The following TMEM223 variants were observed in gnomAD, a reference collection of about 807,000 sequenced individuals.
TMEM223 encodes the protein transmembrane protein 223.
A neutral mutation model predicts 14.1 loss-of-function variants in TMEM223; 14 were observed. The ratio of observed to expected loss-of-function variants is 0.99; its 90% CI spans 0.66 to 1.55. The LOEUF is 1.55. Ranked by LOEUF, TMEM223 falls within the 40% of genes most tolerant of loss-of-function variation. The pLI is 0.00. For missense variants in TMEM223, 346 were observed against 269.9 expected (o/e 1.28, Z -1.97); for synonymous variants, 145 against 120.5 (o/e 1.20, Z -1.33).
intron 1 of TMEM223, chr11:62,782,049 G>C (rs1433161045): frequency 6.3e-7 from 1 of 1,591,650 alleles, no homozygotes; most frequent in Admixed American, 1.7e-5. Flanking sequence ...GGCAAGTGCT[G>C]TCAGAATGGT....
chr11:62,791,158 G>A (rs886917360), intron 1 of TMEM223, among the ~76,000 whole-genome samples: 4 of 152,112 alleles, frequency 2.6e-5, no homozygotes, highest in Non-Finnish European at 5.9e-5. Context: ...ATTTTAATGG[G>A]AAGATGGAGA....
chr11:62,785,766 C>T (rs947182587), downstream of TMEM223, among the ~76,000 whole-genome samples: 1 of 149,198 alleles, frequency 6.7e-6, no homozygotes, highest in Non-Finnish European at 1.5e-5. Context: ...AACTCCTGAC[C>T]TCAGGTGATC....
chr11:62,786,514 C>G, downstream of TMEM223: 4 of 1,559,402 alleles, frequency 2.6e-6, no homozygotes, highest in South Asian at 3.6e-5. Context: ...TTGGCTCTTA[C>G]AGGTGGCGGT....
rs556313837 is a variant in TMEM223, at chr11:62,790,217, C to G, written c.*406G>C. On this transcript the variant is annotated 3_prime_UTR_variant, in exon 2 of 2. Coordinates refer to ENST00000307366, the MANE Select transcript of TMEM223 (RefSeq NM_001080501.3). ...ACCTCTTCCTGCAGCTGTTTTTGTA[C>G]CAAAATATTATATTACTGTCTTCAT... is the stretch of plus-strand genomic sequence containing the variant. 2 of 718,720 alleles carry G rather than the reference C, an allele frequency of 2.8e-6. No individual in the cohort carries two copies. Among genetic ancestry groups the G allele is most frequent in the Admixed American group, 6.7e-5 (2 of 30,028 alleles). The allele number at this position is 718,720 out of a possible 1,614,324, so 44.5% of individuals were successfully genotyped here.
At chr11:62,775,655 C>T (rs1407024432) in intron 1 of TMEM223, 4 of 1,201,264 alleles carry the variant, frequency 3.3e-6, no homozygotes, top group Non-Finnish European at 4.6e-6. Flanking sequence ...CTCAGAGCTC[C>T]TTGTTTAGAA....
At chr11:62,775,790 G>T in intron 1 of TMEM223, 2 of 1,608,356 alleles carry the variant, frequency 1.2e-6, no homozygotes, top group Non-Finnish European at 1.7e-6. Context: ...GGCCATGTCA[G>T]AGCGAGAAGA....
chr11:62,791,950 C>T lies in TMEM223; in HGVS notation c.45G>A (p.Val15=), dbSNP rs768509567. The T allele has an allele frequency of 1.6e-5, 25 of 1,583,904 alleles. No homozygotes were observed. Among genetic ancestry groups the T allele is most frequent in the Admixed American group, 1.1e-4 (6 of 56,590 alleles). Residue 15 remains valine (V), a synonymous_variant, in exon 1 of 2, where the codon GTG becomes GTA. Transcript: ENST00000307366. ...GCCGGCAGGTGAGCAGGGGCCGCAG[C>T]ACGGCTAGCAGCCCCGTGGGCCATC... ...WRRWPTGLLA[V]LRPLLTCRPL...
chr11:62,787,418 G>C (rs769209455), downstream of TMEM223: 11 of 1,557,474 alleles, frequency 7.1e-6, no homozygotes, highest in Non-Finnish European at 9.5e-6. Flanking sequence ...GCGCTTCCTG[G>C]TGGTCAGGGC....
rs138825268 is a variant in TMEM223, at chr11:62,780,116, C to T, written c.315-5451G>A. Among the ~76,000 whole-genome samples the T allele has an allele frequency of 5.7e-3, 861 of 150,378 alleles. 1 individual carries two copies. Among genetic ancestry groups the T allele is most frequent in the Non-Finnish European group, 9.8e-3 (660 of 67,610 alleles). On this transcript the variant is annotated intron_variant, in intron 1 of 2. Transcript: ENST00000528367. ...GGCGGATCACTTGAAGTCAGGAGTTCGAGACCAGACTGTCCAACATGGTGA... is the reference window on the plus strand; with the variant it reads ...GGCGGATCACTTGAAGTCAGGAGTTTGAGACCAGACTGTCCAACATGGTGA...
exon 3 of TMEM223, chr11:62,771,724 C>T (rs2084149079): frequency 4.8e-6 from 1 of 206,344 alleles, no homozygotes; most frequent in Non-Finnish European, 1.0e-5. Context: ...GTTCCCACGC[C>T]TCCTCTCCAG....
At chr11:62,780,973 C>T (rs915983133) in intron 1 of TMEM223, among the ~76,000 whole-genome samples, 3 of 144,838 alleles carry the variant, frequency 2.1e-5, no homozygotes, top group African/African-American at 5.2e-5. Context: ...CGGTGGCTAA[C>T]GCCTGTAATC....
At chr11:62,789,715 A>G (rs564724681), downstream of TMEM223, 24 of 1,524,262 alleles carry the variant, frequency 1.6e-5, no homozygotes, top group South Asian at 2.2e-4. Context: ...ACTGACATAA[A>G]TATCTGTAGC....
downstream of TMEM223, chr11:62,787,720 C>A: frequency 1.3e-6 from 1 of 750,058 alleles, no homozygotes; most frequent in Non-Finnish European, 2.2e-6. Context: ...CCAGGTCATA[C>A]TTCGAAGTTG....
chr11:62,786,968 C>T (rs921977578), downstream of TMEM223: 37 of 1,446,608 alleles, frequency 2.6e-5, no homozygotes, highest in Non-Finnish European at 3.3e-5. Context: ...GCGTCGGCCT[C>T]TGGGCCCGCC....
chr11:62,787,039 G>A (rs1565191529), downstream of TMEM223: 2 of 1,511,412 alleles, frequency 1.3e-6, no homozygotes, highest in Non-Finnish European at 1.8e-6. Flanking sequence ...CCGGCAGCAG[G>A]GCCCCGGGAC....
downstream of TMEM223, chr11:62,786,111 A>G (rs1009565916): frequency 3.1e-6 from 3 of 975,702 alleles, no homozygotes; most frequent in Non-Finnish European, 4.6e-6. Context: ...TTCCAAATAA[A>G]TATATGGTTG....
chr11:62,778,807 T>TGGAGAGGCCA (rs1323922979), intron 1 of TMEM223: 21 of 1,419,830 alleles, frequency 1.5e-5, no homozygotes, highest in African/African-American at 2.8e-5. Context: ...GGGAGGAGGC[T>TGGAGAGGCCA]GGAGAGGCCA....
At chr11:62,786,557 C>T, downstream of TMEM223, 1 of 1,555,934 alleles carries the variant, frequency 6.4e-7, no homozygotes, top group Non-Finnish European at 8.7e-7. Flanking sequence ...GCCCAGGCAG[C>T]AGAGCCCAAC....
intron 2 of TMEM223, among the ~76,000 whole-genome samples, chr11:62,772,302 G>T (rs954889575): frequency 6.6e-6 from 1 of 151,234 alleles, no homozygotes; most frequent in African/African-American, 2.4e-5. Flanking sequence ...CACCTGGATT[G>T]CCTGAGCTCA....
Sources: gnomAD v4.1 joint callset for allele counts (sites outside exome capture counted in the v4.1 genomes callset) on GRCh38, gnomAD v4.1.1 for gene constraint, MANE v1.5 for transcripts, NCBI Gene and HGNC (gene_info 2026-07-23, HGNC 2026-07-21) for gene names.